PSTK: variants seen among roughly 807,000 people sequenced by gnomAD.
PSTK encodes L-seryl-tRNA(Sec) kinase.
PSTK carries 26 observed loss-of-function variants against 38.6 expected under a neutral mutation model. The ratio of observed to expected loss-of-function variants is 0.67; its 90% CI spans 0.49 to 0.94. The LOEUF is 0.94. Among genes scored for constraint, PSTK ranks in the 40% least tolerant of loss-of-function variants. The pLI is 0.00. For synonymous variants in PSTK, 181 were observed against 161.7 expected, an observed-to-expected ratio of 1.12 and a Z score of -0.91; for missense variants, 445 against 436.3, an observed-to-expected ratio of 1.02 and a Z score of -0.18.
At chr10:122,989,490 G>A (rs920490697) in intron 5 of PSTK, among the ~76,000 whole-genome samples, 4 of 152,226 alleles carry the variant, frequency 2.6e-5, no homozygotes, top group Middle Eastern at 3.4e-3. Flanking sequence ...GACCTCAGGT[G>A]ATCCGCCCAC....
Position 122,983,463 on chromosome 10 carries a change from G to A in PSTK, c.700G>A (p.Glu234Lys). 1.2e-6 allele frequency: 2 copies of A among 1,612,738 alleles called. No individual in the cohort carries two copies. The highest frequency in any genetic ancestry group is 1.7e-6 in the Non-Finnish European group (2 of 1,179,878). ...AATTCCGAGTCCAGCATGTGCTTCGGAGGCCAGGTATTCCACTCAATCATC... is the reference window on the plus strand; with the variant it reads ...AATTCCGAGTCCAGCATGTGCTTCGAAGGCCAGGTATTCCACTCAATCATC... ...LTIPSPACAS[E>K]ASLEVTDLLL... The change falls in exon 3 of 6, where the codon GAG becomes AAG. Residue 234 changes from glutamate to lysine, a missense_variant. By Grantham distance (56) the Glu-to-Lys change is moderately conservative. Coordinates refer to ENST00000406217, the MANE Select transcript of PSTK (RefSeq NM_001363531.2).
intron 5 of PSTK, among the ~76,000 whole-genome samples, chr10:122,988,740 G>A (rs1346918830): frequency 6.6e-6 from 1 of 152,186 alleles, no homozygotes; most frequent in Admixed American, 6.5e-5. Context: ...TGTTGAGGAT[G>A]TGTAGAAATG....
At position 122,986,940 on chromosome 10, in the gene PSTK, TCAGA is replaced by T. The variant is rs773134705; in HGVS notation, c.858_861del (p.Thr287Ter). On this transcript the variant is annotated frameshift_variant, in exon 5 of 6. Transcript: ENST00000406217. LOFTEE classifies it high-confidence loss of function. ...ATCAGACACTCCGAAGGATTGTATC[TCAGA>T]CAATGAAGGAAGCAAAAGGTATGAT... 4 of 1,611,232 alleles carry T rather than the reference TCAGA, an allele frequency of 2.5e-6. No homozygotes were observed. The East Asian group carries it at 8.9e-5, about 36-fold the overall frequency.
In PSTK at chr10:122,983,276, G is replaced by A. The variant is rs3736583; in HGVS notation, c.513G>A (p.Ser171=). 1,071,683 of 1,602,686 alleles carry A rather than the reference G, an allele frequency of 0.67. 362,541 individuals carry two copies. The highest frequency in any genetic ancestry group is 0.69 in the Non-Finnish European group (815,750 of 1,174,426). Residue 171 remains serine, a synonymous_variant, in exon 3 of 6, where the codon TCG becomes TCA. Transcript: ENST00000406217. The stretch of plus-strand genomic sequence containing the variant: ...ATCATTTTAAACTGTTTTCAGATTC[G>A]TTGGGCTTTTGCCAGCTCTTTTTAG... ...YEVYQLARKY[S]LGFCQLFLDC... is the part of the protein sequence containing the mutation.
At position 122,983,447 on chromosome 10, in the gene PSTK, T is replaced by A; in HGVS notation, c.684T>A (p.Ser228Arg). ...AACACAACAGCCTCACAATTCCGAG[T>A]CCAGCATGTGCTTCGGAGGCCAGGT... ...AWEHNSLTIP[S>R]PACASEASLE... The change falls in exon 3 of 6, where the codon AGT becomes AGA. Residue 228 changes from serine (S) to arginine (R), a missense_variant. Transcript: ENST00000406217. 7 of 1,613,408 alleles carry A rather than the reference T, an allele frequency of 4.3e-6. No homozygotes were observed. Among genetic ancestry groups the A allele is most frequent in the Non-Finnish European group, 5.1e-6 (6 of 1,179,968 alleles).
In PSTK at chr10:122,980,479, C is replaced by T. The variant is rs757670973; in HGVS notation, c.-1C>T. On this transcript the variant is annotated 5_prime_UTR_variant, in exon 1 of 6. Transcript: ENST00000406217. The surrounding 1 kb of genome is among the most constrained non-coding windows in gnomAD (Gnocchi z 4.3). ...AGACTCCTCCGGTCTCCCCGGGCAG[C>T]ATGAAGACCGCCGAGAACATCAGAG... The T allele has an allele frequency of 5.0e-6, 8 of 1,597,010 alleles. No individual in the cohort carries two copies. In the Admixed American group the frequency reaches 6.8e-5, roughly 14 times the overall value.
At chr10:122,985,035 T>C (rs1239711140) in intron 3 of PSTK, 1 of 152,244 alleles carries the variant, frequency 6.6e-6, no homozygotes, top group Admixed American at 6.5e-5. Context: ...GAGGTTGAGC[T>C]TTAACTTGAT....
At chr10:122,986,731 C>G in intron 4 of PSTK, 138 bp from the exon 5 acceptor site, 1 of 624,826 alleles carries the variant, frequency 1.6e-6, no homozygotes, top group South Asian at 2.0e-5. Context: ...TGGTTGGACT[C>G]TCTTGTAGGG....
intron 3 of PSTK, chr10:122,983,920 T>C (rs1849000656): frequency 1.3e-5 from 2 of 157,714 alleles, no homozygotes; most frequent in African/African-American, 2.4e-5. Flanking sequence ...TCATTACGTA[T>C]GTCTTGAGAG....
intron 1 of PSTK, chr10:122,982,476 C>T: frequency 4.1e-6 from 2 of 484,256 alleles, no homozygotes; most frequent in South Asian, 2.7e-5. Flanking sequence ...AATGGGGTTT[C>T]ATGATGGGCA....
intron 5 of PSTK, among the ~76,000 whole-genome samples, chr10:122,987,884 G>C (rs1315531897): frequency 6.6e-6 from 1 of 152,162 alleles, no homozygotes; most frequent in Non-Finnish European, 1.5e-5. Flanking sequence ...ATTACATCCA[G>C]TTCCAGTCTG....
intron 5 of PSTK, among the ~76,000 whole-genome samples, chr10:122,988,046 A>G (rs758573877): frequency 3.2e-4 from 49 of 152,246 alleles, no homozygotes; most frequent in Non-Finnish European, 5.3e-4. Context: ...AACCCAGGGT[A>G]TAACCCAGTA....
intron 5 of PSTK, among the ~76,000 whole-genome samples, chr10:122,988,543 A>G (rs1849066209): frequency 6.6e-6 from 1 of 152,192 alleles, no homozygotes; most frequent in African/African-American, 2.4e-5. Flanking sequence ...CATATATCTC[A>G]TAAGGGACTT....
chr10:122,987,276 G>T, intron 5 of PSTK: 1 of 1,557,116 alleles, frequency 6.4e-7, no homozygotes, highest in Non-Finnish European at 8.7e-7. Flanking sequence ...CCCATGCTCT[G>T]AAGAAAATTT....
At chr10:122,983,926 GA>G (rs1177382075) in intron 3 of PSTK, 1 of 156,780 alleles carries the variant, frequency 6.4e-6, no homozygotes, top group African/African-American at 2.4e-5. Flanking sequence ...CGTATGTCTT[GA>G]GAGTTCTAGA....
chr10:122,990,029 T>TA (rs1849108177), intron 5 of PSTK, 145 bp from the exon 6 acceptor site: 5 of 521,212 alleles, frequency 9.6e-6, no homozygotes, highest in African/African-American at 2.0e-5. Context: ...CATTGAGACC[T>TA]TTTTTCTATA....
intron 3 of PSTK, 23 bp downstream of exon 3, chr10:122,983,493 C>T: frequency 6.3e-7 from 1 of 1,598,952 alleles, no homozygotes; most frequent in Non-Finnish European, 8.6e-7. Context: ...ATCATCCCTC[C>T]CTGGATGCTC....
chr10:122,988,323 G>T (rs527661558), intron 5 of PSTK, among the ~76,000 whole-genome samples: 1 of 151,908 alleles, frequency 6.6e-6, no homozygotes, highest in Non-Finnish European at 1.5e-5. Flanking sequence ...ATTGTGGGGG[G>T]TAGGGTTATG....
At chr10:122,987,512 G>C in intron 5 of PSTK, 1 of 1,611,506 alleles carries the variant, frequency 6.2e-7, no homozygotes, top group South Asian at 1.1e-5. Flanking sequence ...GAGGTAAGAA[G>C]GGGGGAAAGG....
Sources: gnomAD v4.1 joint callset for allele counts (sites outside exome capture counted in the v4.1 genomes callset) on GRCh38, gnomAD v4.1.1 for gene constraint, Gnocchi (gnomAD v3.1) non-coding constraint, MANE v1.5 for transcripts, NCBI Gene and HGNC (gene_info 2026-07-23, HGNC 2026-07-21) for gene names.